Variants in CTC1 observed in about 807,000 individuals in gnomAD.
CTC1 encodes the protein CST complex subunit CTC1.
In CTC1, 91 loss-of-function variants were observed where a neutral mutation model predicts 136.3. The ratio of observed to expected loss-of-function variants is 0.67; its 90% CI spans 0.56 to 0.79. The LOEUF is 0.79. Ranked by LOEUF, CTC1 falls within the 30% of genes least tolerant of loss-of-function variation. The pLI, the probability that CTC1 is intolerant of heterozygous loss-of-function variation, is 0.00. For synonymous variants in CTC1, 606 were observed against 613.8 expected (o/e 0.99, Z 0.19); for missense variants, 1,432 against 1,498.1 (o/e 0.96, Z 0.73).
At position 8,230,553 on chromosome 17, in the gene CTC1, G is replaced by T; in HGVS notation, c.2758+10C>A. ...ATTTCATACCTTCCCCACAAAGGAA[G>T]GGTCATTACCCAGTTTCATCCAGAG... On this transcript the variant is annotated intron_variant, in intron 16 of 22. Transcript: ENST00000651323. 6.2e-7 allele frequency: 1 copy of T among 1,613,964 alleles called. No homozygotes were observed. The highest frequency in any genetic ancestry group is 1.1e-5 in the South Asian group (1 of 91,070).
At chr17:8,229,802 T>C in intron 18 of CTC1, 89 bp downstream of exon 18, 1 of 1,128,810 alleles carries the variant, frequency 8.9e-7, no homozygotes, top group South Asian at 1.3e-5. Context: ...GAGAAGACTG[T>C]AATGATGGCA....
At position 8,232,968 on chromosome 17, in the gene CTC1, C is replaced by T; in HGVS notation, c.1883G>A (p.Gly628Asp). 1 of 1,614,136 alleles carries T rather than the reference C, an allele frequency of 6.2e-7. No individual in the cohort carries two copies. Among genetic ancestry groups the T allele is most frequent in the South Asian group, 1.1e-5 (1 of 91,080 alleles). Residue 628 changes from glycine to aspartate, a missense_variant, in exon 11 of 23, where the codon GGT becomes GAT. By Grantham distance (94) the Gly-to-Asp change is moderately conservative. Transcript: ENST00000651323. ...GGCCAGGAGCAGGCAGGGCAGGGAA[C>T]CACTTTGGTCCCGAAGTTGCAGACA... ...KGCLQLRDQS[G>D]SLPCLLLAKH...
chr17:8,244,319 C>A (rs1464136578), intron 1 of CTC1, among the ~76,000 whole-genome samples: 1 of 152,132 alleles, frequency 6.6e-6, no homozygotes, highest in Non-Finnish European at 1.5e-5. Flanking sequence ...GTATACCTGA[C>A]ACAGATTCTG....
chr17:8,241,605 CAAAAA>C (rs71159569), intron 2 of CTC1, among the ~76,000 whole-genome samples: 3 of 94,538 alleles, frequency 3.2e-5, no homozygotes, highest in Admixed American at 1.1e-4. Context: ...GACTCCGTCT[CAAAAA>C]AAAAAAAAAA....
chr17:8,235,891 G>A lies in CTC1; in HGVS notation c.1146C>T (p.Cys382=), dbSNP rs377390679. 1.9e-6 allele frequency: 3 copies of A among 1,613,768 alleles called. No individual in the cohort carries two copies. The African/African-American group carries it at 4.0e-5, about 22-fold the overall frequency. ...LYELDGQLGL[C]LAYQQFRGLR... The stretch of plus-strand genomic sequence containing the variant: ...GGCCACGGAACTGCTGGTAGGCAAG[G>A]CAGAGCCCCAGCTGCCCATCCAGCT... The change falls in exon 7 of 23, where the codon TGC becomes TGT. Residue 382 remains cysteine, a synonymous_variant. Coordinates refer to ENST00000651323, the MANE Select transcript of CTC1 (RefSeq NM_025099.6).
chr17:8,225,526 C>T lies in CTC1; in HGVS notation c.*2654G>A, dbSNP rs1365106158. ...TCTCTGGCATTTATTTCTTCCTTAACCAGCCTAGCTTCAGTGCTCCAGAAA... is the reference window on the plus strand; with the variant it reads ...TCTCTGGCATTTATTTCTTCCTTAATCAGCCTAGCTTCAGTGCTCCAGAAA... On this transcript the variant is annotated 3_prime_UTR_variant, in exon 23 of 23. Transcript: ENST00000651323. The T allele has an allele frequency of 1.3e-5, 2 of 152,282 alleles. No homozygotes were observed. The highest frequency in any genetic ancestry group is 2.4e-5 in the African/African-American group (1 of 41,442). 9.4% of individuals were successfully genotyped at this position (152,282 alleles called of 1,614,324 possible). A position where few individuals can be genotyped will look rare whatever the true frequency, so the allele number is the denominator to read the frequency against.
chr17:8,230,913 G>A (rs1987160853), intron 15 of CTC1: 2 of 515,492 alleles, frequency 3.9e-6, no homozygotes, highest in South Asian at 2.4e-5. Context: ...GAGGTGGGAG[G>A]CTCACTTAAG....
In CTC1 at chr17:8,235,195, T is replaced by C. The variant is rs1391872586; in HGVS notation, c.1297A>G (p.Ser433Gly). The change falls in exon 8 of 23, where the codon AGC (serine) becomes GGC (glycine). Residue 433 changes from serine to glycine, a missense_variant. Coordinates refer to ENST00000651323, the MANE Select transcript of CTC1 (RefSeq NM_025099.6). ...PCLRGAVLLQSFSRQKPGAHS... is the reference protein window; with the variant it reads ...PCLRGAVLLQGFSRQKPGAHS... ...GCCCCAGGCTTCTGACGAGAGAAGCTTTGAAGCAGAACGGCGCCACGGAGG... is the reference window on the plus strand; with the variant it reads ...GCCCCAGGCTTCTGACGAGAGAAGCCTTGAAGCAGAACGGCGCCACGGAGG... 2 of 1,613,948 alleles carry C rather than the reference T, an allele frequency of 1.2e-6. No homozygotes were observed. Among genetic ancestry groups the C allele is most frequent in the East Asian group, 4.5e-5 (2 of 44,892 alleles).
intron 10 of CTC1, chr17:8,233,243 A>C (rs1270162247): frequency 1.8e-6 from 1 of 555,358 alleles, no homozygotes; most frequent in African/African-American, 1.9e-5. Context: ...GAAAGCGCAC[A>C]AATAGAGGTT....
intron 2 of CTC1, among the ~76,000 whole-genome samples, chr17:8,242,545 AAAAAAAAAATATAT>A (rs1367886194): frequency 5.2e-4 from 49 of 94,986 alleles, no homozygotes; most frequent in Middle Eastern, 5.1e-3. Flanking sequence ...AAAAAAAAAA[AAAAAAAAAATATAT>A]ATATATATAT....
Position 8,238,174 on chromosome 17 carries a change from AG to A in CTC1, c.503del (p.Pro168LeufsTer24). On this transcript the variant is annotated frameshift_variant, in exon 4 of 23. Coordinates refer to ENST00000651323, the MANE Select transcript of CTC1 (RefSeq NM_025099.6). LOFTEE classifies it high-confidence loss of function. ...FLFPRWSYLP[P>X]ARWNSSGEGH... ...CTTCCCCTGAGGAATTCCACCTGGC[AG>A]GAGGGAGGTAACTCCAACGGGGGAA... 1.2e-6 allele frequency: 2 copies of A among 1,614,018 alleles called. No homozygotes were observed. Among genetic ancestry groups the A allele is most frequent in the Non-Finnish European group, 8.5e-7 (1 of 1,179,866 alleles).
chr17:8,246,229 AGGAG>A (rs1006007782), intron 1 of CTC1, among the ~76,000 whole-genome samples: 5 of 147,592 alleles, frequency 3.4e-5, no homozygotes, highest in Non-Finnish European at 6.0e-5. Flanking sequence ...AAAAAAAAAA[AGGAG>A]GGAGGAAGAG....
chr17:8,246,367 G>A (rs1231334930), intron 1 of CTC1, among the ~76,000 whole-genome samples: 3 of 152,144 alleles, frequency 2.0e-5, no homozygotes, highest in African/African-American at 4.8e-5. Context: ...GTCTACTTTA[G>A]CTGAGATCTC....
chr17:8,235,174 C>T lies in CTC1; in HGVS notation c.1318G>A (p.Gly440Arg). The part of the protein sequence containing the change: ...LLQSFSRQKP[G>R]AHSSRQAYGA... ...TAGGCTTGACGGGATGAGTGAGCCC[C>T]AGGCTTCTGACGAGAGAAGCTTTGA... The change falls in exon 8 of 23, where the codon GGG becomes AGG. Residue 440 changes from glycine to arginine, a missense_variant. Physicochemically the swap from Gly to Arg is moderately radical, Grantham distance 125. Transcript: ENST00000651323. 14 of 1,614,158 alleles carry T rather than the reference C, an allele frequency of 8.7e-6. No individual in the cohort carries two copies. The highest frequency in any genetic ancestry group is 1.2e-5 in the Non-Finnish European group (14 of 1,180,024).
intron 1 of CTC1, among the ~76,000 whole-genome samples, chr17:8,247,305 CT>C (rs772948223): frequency 0.019 from 1,734 of 91,256 alleles, 1 homozygote; most frequent in African/African-American, 0.034. Flanking sequence ...CCTTCCGGCG[CT>C]TTTTTTTTTT....
At position 8,235,268 on chromosome 17, in the gene CTC1, C is replaced by T; in HGVS notation, c.1224G>A (p.Leu408=). Residue 408 remains leucine (L), a synonymous_variant, in exon 8 of 23, where the codon CTG becomes CTA. Coordinates refer to ENST00000651323, the MANE Select transcript of CTC1 (RefSeq NM_025099.6). ...TTGTCCCCCCTCCCACTGACTGGAG[C>T]AGGTGAACATCCTGGAGCTGGGGGA... ...GVCLQLQDVH[L]LQSVGGGTRR... is the part of the protein sequence containing the mutation. 1 of 1,613,694 alleles carries T rather than the reference C, an allele frequency of 6.2e-7. No homozygotes were observed. The highest frequency in any genetic ancestry group is 1.3e-5 in the African/African-American group (1 of 75,030).
chr17:8,247,845 A>C lies in CTC1; in HGVS notation c.33+159T>G, dbSNP rs9900520. The C allele has an allele frequency of 0.011, 7,587 of 679,714 alleles. 290 individuals carry two copies. Among genetic ancestry groups the C allele is most frequent in the African/African-American group, 0.099 (5,479 of 55,160 alleles). The allele number at this position is 679,714 out of a possible 1,614,324, so 42.1% of individuals were successfully genotyped here. On this transcript the variant is annotated intron_variant, in intron 1 of 22. Coordinates refer to ENST00000651323, the MANE Select transcript of CTC1 (RefSeq NM_025099.6). ...TGAATGAGGGAATAAACATTCGCAG[A>C]ACCAGTAAGAGGTAGGAGCGGACCG... is the stretch of plus-strand genomic sequence containing the variant.
At chr17:8,233,232 A>G in intron 10 of CTC1, 200 bp from the exon 11 acceptor site, 1 of 577,888 alleles carries the variant, frequency 1.7e-6, no homozygotes, top group Non-Finnish European at 3.0e-6. Flanking sequence ...GTAGGAGAAG[A>G]GAAAGCGCAC....
rs759465727 is a variant in CTC1, at chr17:8,230,493, T to C, written c.2759-25A>G. 19 of 1,613,582 alleles carry C rather than the reference T, an allele frequency of 1.2e-5. No individual in the cohort carries two copies. The East Asian group carries it at 2.5e-4, about 21-fold the overall frequency. ...CCTATAGAAGGAAGGTGGGTGTTAG[T>C]AGGATCTGTGAAGTCCACAAAGTCC... On this transcript the variant is annotated intron_variant, in intron 16 of 22. Coordinates refer to ENST00000651323, the MANE Select transcript of CTC1 (RefSeq NM_025099.6).
Sources: gnomAD v4.1 joint callset for allele counts (sites outside exome capture counted in the v4.1 genomes callset) on GRCh38, gnomAD v4.1.1 for gene constraint, MANE v1.5 for transcripts, NCBI Gene and HGNC (gene_info 2026-07-23, HGNC 2026-07-21) for gene names.